Variants in ZEB1 observed in about 807,000 individuals in gnomAD.
The protein encoded by ZEB1 is zinc finger E-box-binding homeobox 1.
ZEB1 carries 21 observed loss-of-function variants against 84.9 expected under a neutral mutation model. The ratio of observed to expected loss-of-function variants is 0.25; its 90% CI spans 0.18 to 0.36. The LOEUF is 0.36. Among genes scored for constraint, ZEB1 ranks in the 10% least tolerant of loss-of-function variants. ZEB1 has a pLI of 1.00. For synonymous variants in ZEB1, 420 were observed against 471.1 expected (o/e 0.89, Z 1.41); for missense variants, 1,104 against 1,330.2 (o/e 0.83, Z 2.65).
chr10:31,524,717 A>C (rs1234721526), intron 8 of ZEB1, among the ~76,000 whole-genome samples: 1 of 152,072 alleles, frequency 6.6e-6, no homozygotes, highest in Non-Finnish European at 1.5e-5. Context: ...TATTAATAAA[A>C]ACATAGTACA....
At chr10:31,495,486 TA>T (rs2067092029) in intron 2 of ZEB1, among the ~76,000 whole-genome samples, 1 of 152,076 alleles carries the variant, frequency 6.6e-6, no homozygotes, top group African/African-American at 2.4e-5. Context: ...AAGGACACAT[TA>T]CCATATTCAT....
chr10:31,445,579 A>G (rs2059652933), intron 1 of ZEB1, among the ~76,000 whole-genome samples: 1 of 152,140 alleles, frequency 6.6e-6, no homozygotes, highest in Non-Finnish European at 1.5e-5. Context: ...TATTATTTTG[A>G]AGTACGTCCC....
chr10:31,335,528 T>G (rs1034634783), intron 1 of ZEB1, among the ~76,000 whole-genome samples: 10 of 152,176 alleles, frequency 6.6e-5, no homozygotes, highest in Admixed American at 6.5e-4. Flanking sequence ...ATCATCTGTT[T>G]AAAGGAAAAG....
At chr10:31,403,563 G>A (rs780992335) in intron 1 of ZEB1, among the ~76,000 whole-genome samples, 1 of 152,018 alleles carries the variant, frequency 6.6e-6, no homozygotes, top group Non-Finnish European at 1.5e-5. Context: ...TTAAAGAGAT[G>A]AGACTAGTAT....
At position 31,527,802 on chromosome 10, in the gene ZEB1, G is replaced by A. The variant is rs2073763643; in HGVS notation, c.*538G>A. The A allele has an allele frequency of 1.3e-5, 2 of 156,750 alleles. No individual in the cohort carries two copies. Among genetic ancestry groups the A allele is most frequent in the African/African-American group, 2.4e-5 (1 of 41,446 alleles). The allele number at this position is 156,750 out of a possible 1,614,324, so 9.7% of individuals were successfully genotyped here. A position where few individuals can be genotyped will look rare whatever the true frequency, so the allele number is the denominator to read the frequency against. ...TCCCTTCACAGAGAAGTATAATGTA[G>A]TTCCAACCCGTGCTAACTACCTTTT... On this transcript the variant is annotated 3_prime_UTR_variant, in exon 9 of 9. Transcript: ENST00000424869.
intron 1 of ZEB1, among the ~76,000 whole-genome samples, chr10:31,415,479 T>C (rs1266069989): frequency 6.6e-6 from 1 of 152,102 alleles, no homozygotes; most frequent in East Asian, 1.9e-4. Context: ...CCATGTTCGT[T>C]TTCTAATTTT....
intron 1 of ZEB1, among the ~76,000 whole-genome samples, chr10:31,369,556 A>G (rs2045303597): frequency 1.3e-5 from 2 of 152,224 alleles, no homozygotes; most frequent in Non-Finnish European, 1.5e-5. Flanking sequence ...TAAATGCTGA[A>G]TAGTATTCCA....
intron 1 of ZEB1, 51 bp downstream of exon 1, chr10:31,319,343 G>T: frequency 1.3e-6 from 2 of 1,573,546 alleles, no homozygotes; most frequent in South Asian, 2.3e-5. Context: ...GAGCTGGGCA[G>T]CCGGGGCGCC....
At chr10:31,375,305 CT>C (rs1411859638) in intron 1 of ZEB1, among the ~76,000 whole-genome samples, 1 of 151,728 alleles carries the variant, frequency 6.6e-6, no homozygotes, top group Non-Finnish European at 1.5e-5. Flanking sequence ...GAAAGATGTC[CT>C]TCCCATACCT....
chr10:31,366,187 C>T (rs1371982297), intron 1 of ZEB1, among the ~76,000 whole-genome samples: 1 of 152,182 alleles, frequency 6.6e-6, no homozygotes, highest in African/African-American at 2.4e-5. Context: ...TTTTATAGCT[C>T]TCACTGTCTA....
chr10:31,520,840 G>C lies in ZEB1; in HGVS notation c.1508G>C (p.Ser503Thr), dbSNP rs2139799588. 2.5e-6 allele frequency: 4 copies of C among 1,614,072 alleles called. No individual in the cohort carries two copies. Among genetic ancestry groups the C allele is most frequent in the Non-Finnish European group, 3.4e-6 (4 of 1,180,004 alleles). The change falls in exon 7 of 9, where the codon AGT becomes ACT. Residue 503 changes from serine to threonine, a missense_variant. By Grantham distance (58) the Ser-to-Thr change is moderately conservative. Coordinates refer to ENST00000424869, the MANE Select transcript of ZEB1 (RefSeq NM_001174096.2). This position sits in a 1 kb window ranked among gnomAD's most constrained non-coding sequence, Gnocchi z 5.1. ...LKKENPVATN[S>T]CKSEKLPEDL... The stretch of plus-strand genomic sequence containing the variant: ...AAAGAAAATCCAGTCGCTACAAACA[G>C]TTGTAAAAGTGAAAAGTTACCAGAA...
intron 3 of ZEB1, among the ~76,000 whole-genome samples, chr10:31,496,895 C>T (rs1370370538): frequency 2.0e-5 from 3 of 151,956 alleles, no homozygotes; most frequent in African/African-American, 4.8e-5. Flanking sequence ...CTCCTATACT[C>T]GTCAGTCATT....
At chr10:31,328,897 C>G (rs1489613523) in intron 1 of ZEB1, among the ~76,000 whole-genome samples, 1 of 152,000 alleles carries the variant, frequency 6.6e-6, no homozygotes, top group African/African-American at 2.4e-5. Flanking sequence ...CTCATATATC[C>G]ATTTGGCTGG....
chr10:31,327,551 TC>T (rs886791205), intron 1 of ZEB1, among the ~76,000 whole-genome samples: 1 of 152,200 alleles, frequency 6.6e-6, no homozygotes, highest in Non-Finnish European at 1.5e-5. Context: ...AATGGCAGAT[TC>T]CCAGATTGAC....
intron 2 of ZEB1, among the ~76,000 whole-genome samples, chr10:31,480,160 T>A (rs931471604): frequency 3.2e-4 from 48 of 152,044 alleles, no homozygotes; most frequent in African/African-American, 1.1e-3. Context: ...CTGTCCCAAG[T>A]TAACAGCGAT....
chr10:31,480,775 A>T (rs1007798395), intron 2 of ZEB1, among the ~76,000 whole-genome samples: 4 of 152,086 alleles, frequency 2.6e-5, no homozygotes, highest in African/African-American at 9.7e-5. Context: ...TACAGTGTGT[A>T]TAGGTCTTTT....
intron 1 of ZEB1, among the ~76,000 whole-genome samples, chr10:31,340,872 A>G (rs11008463): frequency 0.2 from 30,391 of 151,874 alleles, 6,068 homozygotes; most frequent in African/African-American, 0.52. Flanking sequence ...GGCCCAGGGG[A>G]ATAGGAAGAG....
At chr10:31,341,691 A>C (rs1012115820) in intron 1 of ZEB1, among the ~76,000 whole-genome samples, 1 of 152,190 alleles carries the variant, frequency 6.6e-6, no homozygotes, top group African/African-American at 2.4e-5. Context: ...AGAGAAAAAA[A>C]GGTCAGAAGA....
chr10:31,351,605 G>A (rs1276665205), intron 1 of ZEB1, among the ~76,000 whole-genome samples: 1 of 151,982 alleles, frequency 6.6e-6, no homozygotes, highest in African/African-American at 2.4e-5. Context: ...TCTTTTATTG[G>A]GTCAGGGCAA....
Sources: allele counts gnomAD v4.1 joint callset (sites outside exome capture counted in the v4.1 genomes callset), GRCh38; gene constraint gnomAD v4.1.1; non-coding constraint Gnocchi (gnomAD v3.1); transcripts MANE v1.5; gene names NCBI Gene and HGNC (gene_info 2026-07-23, HGNC 2026-07-21).